Variants in FTO observed in about 807,000 individuals in gnomAD.
FTO encodes FTO alpha-ketoglutarate dependent dioxygenase, also known as alpha-ketoglutarate-dependent dioxygenase FTO.
In FTO, 47 loss-of-function variants were observed where a neutral mutation model predicts 63.9. That is an observed-to-expected ratio of 0.74 (90% CI 0.58 to 0.94). FTO has a LOEUF of 0.94. FTO is among the 40% of genes least tolerant of loss of function. FTO has a pLI of 0.00. For synonymous variants in FTO, 207 were observed against 224.4 expected (o/e 0.92, Z 0.69); for missense variants, 562 against 618.1 (o/e 0.91, Z 0.96).
intron 3 of FTO, among the ~76,000 whole-genome samples, chr16:53,836,091 A>G (rs1005168105): frequency 6.6e-6 from 1 of 152,124 alleles, no homozygotes; most frequent in Admixed American, 6.5e-5. Flanking sequence ...AGGTTTCACC[A>G]TATTGGCCAG....
chr16:53,709,777 G>T (rs2075722267), intron 1 of FTO, among the ~76,000 whole-genome samples: 1 of 152,114 alleles, frequency 6.6e-6, no homozygotes, highest in Admixed American at 6.5e-5. Flanking sequence ...ATATCCACAT[G>T]AACAATTTTT....
chr16:53,859,912 A>G (rs1429590603), intron 4 of FTO, among the ~76,000 whole-genome samples: 6 of 152,192 alleles, frequency 3.9e-5, no homozygotes, highest in African/African-American at 1.2e-4. Flanking sequence ...GAACTTTCAT[A>G]TGACCCAGCG....
chr16:53,800,129 G>A (rs1196554481), intron 1 of FTO, among the ~76,000 whole-genome samples: 2 of 151,704 alleles, frequency 1.3e-5, no homozygotes, highest in African/African-American at 2.4e-5. Context: ...TTTATTATAG[G>A]CATTCAGTGC....
intron 6 of FTO, among the ~76,000 whole-genome samples, chr16:53,881,926 G>A (rs1000754647): frequency 2.0e-5 from 3 of 152,176 alleles, no homozygotes; most frequent in Admixed American, 6.5e-5. Context: ...CTTGTCTGGA[G>A]GAGGCTCTGA....
At chr16:53,956,829 A>AT (rs990460108) in intron 8 of FTO, 3 of 151,122 alleles carry the variant, frequency 2.0e-5, no homozygotes, top group Admixed American at 6.6e-5. Context: ...CGCCAGGCTA[A>AT]TTTTTTTTTA....
At chr16:53,758,317 C>T (rs1206983969) in intron 1 of FTO, among the ~76,000 whole-genome samples, 3 of 152,070 alleles carry the variant, frequency 2.0e-5, no homozygotes, top group East Asian at 1.9e-4. Flanking sequence ...AATAAGCCAT[C>T]GACTAATTGA....
At chr16:53,806,943 C>T (rs1025028000) in intron 1 of FTO, among the ~76,000 whole-genome samples, 3 of 152,142 alleles carry the variant, frequency 2.0e-5, no homozygotes. Flanking sequence ...GGGCCTGTTT[C>T]TCTTAGTCTT....
intron 3 of FTO, among the ~76,000 whole-genome samples, chr16:53,839,769 CT>C (rs146746378): frequency 5.9e-4 from 85 of 144,242 alleles, no homozygotes; most frequent in Admixed American, 1.1e-3. Flanking sequence ...AATTGGTTTT[CT>C]TTTTTTTTAT....
intron 7 of FTO, 33 bp downstream of exon 7, chr16:53,888,984 G>C (rs1193883858): frequency 3.7e-6 from 6 of 1,612,076 alleles, no homozygotes; most frequent in Non-Finnish European, 5.1e-6. Flanking sequence ...CGTGTTTTCT[G>C]GGCTGCTGTG....
intron 7 of FTO, among the ~76,000 whole-genome samples, chr16:53,891,829 T>A (rs1388712942): frequency 6.6e-6 from 1 of 152,222 alleles, no homozygotes; most frequent in Non-Finnish European, 1.5e-5. Flanking sequence ...ATTTGTTTTG[T>A]CGCTCTTGTA....
intron 1 of FTO, among the ~76,000 whole-genome samples, chr16:53,776,958 A>G (rs1318789979): frequency 6.6e-6 from 1 of 152,164 alleles, no homozygotes; most frequent in Non-Finnish European, 1.5e-5. Context: ...ATTGACAATA[A>G]TTATCTATAT....
chr16:53,718,524 CT>C (rs2075950922), intron 1 of FTO, among the ~76,000 whole-genome samples: 1 of 149,372 alleles, frequency 6.7e-6, no homozygotes, highest in South Asian at 2.1e-4. Flanking sequence ...TTTTTTTCTT[CT>C]ATTATTACCT....
In FTO at chr16:53,811,245, A is replaced by G. The variant is rs117608073; in HGVS notation, c.123+1028A>G. ...GAAGAGTAGGCCCTCTGGGCATGTA[A>G]AAATAATAAATTTTCACCTCTTTTT... On this transcript the variant is annotated intron_variant, in intron 2 of 8. Transcript: ENST00000471389. Among the ~76,000 whole-genome samples the G allele has an allele frequency of 2.0e-4, 30 of 152,302 alleles. 1 individual carries two copies. In the East Asian group the frequency reaches 5.2e-3, roughly 26 times the overall value.
At chr16:53,770,913 T>C (rs1011866586) in intron 1 of FTO, among the ~76,000 whole-genome samples, 7 of 152,152 alleles carry the variant, frequency 4.6e-5, no homozygotes. Flanking sequence ...TTGCGAGACG[T>C]TGTTTGAAAA....
chr16:53,982,493 T>C (rs1482706441), intron 8 of FTO, among the ~76,000 whole-genome samples: 2 of 152,192 alleles, frequency 1.3e-5, no homozygotes, highest in Admixed American at 6.5e-5. Flanking sequence ...ACAGCTTAAC[T>C]TTAGGTTCAG....
chr16:54,111,658 G>A (rs1259006316), intron 8 of FTO, 104 bp from the exon 9 acceptor site: 2 of 1,210,844 alleles, frequency 1.7e-6, no homozygotes, highest in Non-Finnish European at 2.5e-6. Context: ...CACCCCCGAG[G>A]ACTGTCTTTG....
At chr16:53,850,449 A>AT (rs1047623183) in intron 4 of FTO, among the ~76,000 whole-genome samples, 9 of 151,086 alleles carry the variant, frequency 6.0e-5, no homozygotes, top group South Asian at 2.1e-4. Context: ...TTGATATCTG[A>AT]TTTTTTTTAA....
chr16:53,943,297 C>G (rs186992446), intron 8 of FTO, among the ~76,000 whole-genome samples: 1 of 152,180 alleles, frequency 6.6e-6, no homozygotes, highest in African/African-American at 2.4e-5. Context: ...ACCATTGTTA[C>G]TGTCATTATT....
At chr16:53,955,136 T>C (rs182045835) in intron 8 of FTO, among the ~76,000 whole-genome samples, 2 of 152,176 alleles carry the variant, frequency 1.3e-5, no homozygotes, top group East Asian at 3.9e-4. Context: ...ATTGACCATA[T>C]GGGTCCTTAA....
Sources: allele counts gnomAD v4.1 joint callset (sites outside exome capture counted in the v4.1 genomes callset), GRCh38; gene constraint gnomAD v4.1.1; transcripts MANE v1.5; gene names NCBI Gene and HGNC (gene_info 2026-07-23, HGNC 2026-07-21).